The following DMBT1 variants were observed in gnomAD, a reference collection of about 807,000 sequenced individuals.
DMBT1 encodes deleted in malignant brain tumors 1.
Under a neutral mutation model 252.9 loss-of-function variants are expected in DMBT1, and 198 were observed. That is an observed-to-expected ratio of 0.78 (90% CI 0.70 to 0.88). The LOEUF (loss-of-function observed/expected upper bound fraction) is 0.88. Among genes scored for constraint, DMBT1 ranks in the 40% least tolerant of loss-of-function variants. DMBT1 has a pLI of 0.00. For synonymous variants in DMBT1, 990 were observed against 942.7 expected (o/e 1.05, Z -0.92); for missense variants, 2,432 against 2,404.7 (o/e 1.01, Z -0.24).
chr10:122,598,054 C>T, intron 25 of DMBT1, 42 bp downstream of exon 25: 2 of 1,613,092 alleles, frequency 1.2e-6, no homozygotes, highest in Non-Finnish European at 1.7e-6. Flanking sequence ...CACTCTCTAC[C>T]TCTGGACAAA....
intron 52 of DMBT1, among the ~76,000 whole-genome samples, chr10:122,634,439 TCTCTCTCTCTCTCTCTCTCTC>T (rs1566007558): frequency 0.015 from 720 of 49,634 alleles, 23 homozygotes; most frequent in South Asian, 0.044. Context: ...CTTCTCTCTC[TCTCTCTCTCTCTCTCTCTCTC>T]TCTCTCTCTC....
At chr10:122,625,335 T>C (rs1157560220) in intron 45 of DMBT1, 32 bp downstream of exon 45, 1 of 1,597,968 alleles carries the variant, frequency 6.3e-7, no homozygotes, top group Non-Finnish European at 8.6e-7. Context: ...CCAGCAATAT[T>C]TCTCTTGGGA....
chr10:122,598,091 G>A lies in DMBT1; in HGVS notation c.2956+79G>A. ...GTTTTTTCTGAAAATGATAGGATGA[G>A]GGTCAAGGTGGGCCCCTCTCTTTTT... On this transcript the variant is annotated intron_variant, in intron 25 of 55. Coordinates refer to ENST00000338354, the MANE Select transcript of DMBT1 (RefSeq NM_001377530.1). 3.1e-6 allele frequency: 5 copies of A among 1,595,734 alleles called. No individual in the cohort carries two copies. In the South Asian group the frequency reaches 4.4e-5, roughly 14 times the overall value.
chr10:122,616,978 G>A (rs989276015), intron 39 of DMBT1, among the ~76,000 whole-genome samples: 15 of 125,336 alleles, frequency 1.2e-4, no homozygotes, highest in Non-Finnish European at 1.6e-5. Flanking sequence ...GCATGGTGGG[G>A]GGCATCCTCT....
chr10:122,571,141 T>C (rs1292906772), intron 4 of DMBT1, among the ~76,000 whole-genome samples: 1 of 152,236 alleles, frequency 6.6e-6, no homozygotes, highest in African/African-American at 2.4e-5. Flanking sequence ...TACACGTGTG[T>C]GTGCTCTGCA....
At position 122,593,063 on chromosome 10, in the gene DMBT1, C is replaced by CA. The variant is rs1362595352; in HGVS notation, c.2500+471dup. On this transcript the variant is annotated intron_variant, in intron 20 of 55. Coordinates refer to ENST00000338354, the MANE Select transcript of DMBT1 (RefSeq NM_001377530.1). ...AATAGAGGCTCAAGGGTTAGGGGTG[C>CA]AAATGGGTGTCTGGTTCTATCAGGC... 4.7e-5 allele frequency among the ~76,000 whole-genome samples: 7 copies of CA among 148,694 alleles called. 1 individual carries two copies. Among genetic ancestry groups the CA allele is most frequent in the Admixed American group, 1.3e-4 (2 of 15,020 alleles).
intron 55 of DMBT1, among the ~76,000 whole-genome samples, chr10:122,641,746 AC>A (rs1223696376): frequency 1.5e-4 from 23 of 152,320 alleles, no homozygotes; most frequent in Admixed American, 1.2e-3. Context: ...TTTCTATATG[AC>A]AATGCAATTT....
At position 122,575,192 on chromosome 10, in the gene DMBT1, G is replaced by T. The variant is rs57466214; in HGVS notation, c.284-1207G>T. 3.8e-3 allele frequency among the ~76,000 whole-genome samples: 572 copies of T among 152,370 alleles called. 1 individual carries two copies. Among genetic ancestry groups the T allele is most frequent in the African/African-American group, 0.013 (550 of 41,584 alleles). ...TCCACTGCTGTTCAATGTTGTACTG[G>T]AGGTAGTAGCCAATGCAATGAGAGA... On this transcript the variant is annotated intron_variant, in intron 6 of 55. Transcript: ENST00000338354.
At chr10:122,561,365 C>G (rs3019492) in intron 1 of DMBT1, among the ~76,000 whole-genome samples, 102,982 of 151,988 alleles carry the variant, frequency 0.68, 35,237 homozygotes, top group South Asian at 0.78. Context: ...TTCCAAGTTT[C>G]TCTGTCATGC....
At chr10:122,630,920 G>A (rs755661094) in intron 48 of DMBT1, 41 bp from the exon 49 acceptor site, 28 of 1,553,708 alleles carry the variant, frequency 1.8e-5, no homozygotes, top group Non-Finnish European at 2.4e-5. Flanking sequence ...GACATTTGTT[G>A]TGGGACATGG....
chr10:122,625,315 A>T lies in DMBT1; in HGVS notation c.5635+12A>T. On this transcript the variant is annotated intron_variant, in intron 45 of 55. Transcript: ENST00000338354. ...TTCTACTACGACAGGTGAGTCTGCT[A>T]CACCCCAGTCCAGCAATATTTCTCT... 1.2e-6 allele frequency: 2 copies of T among 1,609,038 alleles called. No homozygotes were observed. The highest frequency in any genetic ancestry group is 1.7e-6 in the Non-Finnish European group (2 of 1,177,074).
intron 7 of DMBT1, among the ~76,000 whole-genome samples, chr10:122,577,453 C>T (rs1025234127): frequency 1.1e-4 from 16 of 152,200 alleles, no homozygotes; most frequent in Non-Finnish European, 1.9e-4. Context: ...GAATCCACGT[C>T]AAACCTCAGA....
chr10:122,571,485 C>T (rs555227891), intron 4 of DMBT1, among the ~76,000 whole-genome samples: 48 of 152,224 alleles, frequency 3.2e-4, no homozygotes, highest in African/African-American at 1.1e-3. Context: ...AATTGAGGAG[C>T]GAACCAAGGC....
intron 55 of DMBT1, among the ~76,000 whole-genome samples, chr10:122,642,201 A>G (rs1844684239): frequency 6.6e-6 from 1 of 151,788 alleles, no homozygotes; most frequent in South Asian, 2.1e-4. Flanking sequence ...ACAAAAAAGA[A>G]AACTTGGTAT....
chr10:122,579,535 C>G, intron 9 of DMBT1, 43 bp from the exon 10 acceptor site: 1 of 1,611,864 alleles, frequency 6.2e-7, no homozygotes, highest in Non-Finnish European at 8.5e-7. Context: ...GATTCTTGAC[C>G]TCATGATAGG....
chr10:122,566,605 C>A (rs1031138212), intron 2 of DMBT1, among the ~76,000 whole-genome samples: 1 of 152,138 alleles, frequency 6.6e-6, no homozygotes, highest in Non-Finnish European at 1.5e-5. Context: ...CCACTGCGCC[C>A]GGCCTACCTT....
intron 9 of DMBT1, 107 bp downstream of exon 9, chr10:122,578,866 C>T (rs1313181406): frequency 2.7e-5 from 32 of 1,177,136 alleles, no homozygotes; most frequent in Non-Finnish European, 3.7e-5. Context: ...GGGAAGTGGG[C>T]TAAGCGTGGG....
chr10:122,570,004 T>C (rs1486750098), intron 2 of DMBT1, among the ~76,000 whole-genome samples, 158 bp from the exon 3 acceptor site: 1 of 152,070 alleles, frequency 6.6e-6, no homozygotes, highest in Admixed American at 6.5e-5. Flanking sequence ...CTGGGGCCAT[T>C]TCAGTGATGG....
At position 122,643,149 on chromosome 10, in the gene DMBT1, C is replaced by T; in HGVS notation, c.7380C>T (p.Pro2460=). 5.0e-6 allele frequency: 8 copies of T among 1,613,930 alleles called. No individual in the cohort carries two copies. Among genetic ancestry groups the T allele is most frequent in the South Asian group, 1.1e-5 (1 of 91,082 alleles). ...SGCVRDDTYG[P]YSSPSLRIAR... is the part of the protein sequence containing the mutation. ...GCGTGAGGGATGACACCTACGGACCCTACTCCTCGCCATCTCTTCGCATTG... is the reference window on the plus strand; with the variant it reads ...GCGTGAGGGATGACACCTACGGACCTTACTCCTCGCCATCTCTTCGCATTG... Residue 2460 remains proline (P), a synonymous_variant, in exon 56 of 56, where the codon CCC becomes CCT. Transcript: ENST00000338354.
Sources: allele counts gnomAD v4.1 joint callset (sites outside exome capture counted in the v4.1 genomes callset), GRCh38; gene constraint gnomAD v4.1.1; transcripts MANE v1.5; gene names NCBI Gene and HGNC (gene_info 2026-07-23, HGNC 2026-07-21).